The following CHMP4B variants were observed in gnomAD, a reference collection of about 807,000 sequenced individuals.
The protein encoded by CHMP4B is SNF7 homolog associated with Alix 1.
CHMP4B carries 1 observed loss-of-function variant against 25.1 expected under a neutral mutation model. That is an observed-to-expected ratio of 0.04 (90% CI 0.01 to 0.19). The LOEUF (loss-of-function observed/expected upper bound fraction) is 0.19, where lower values mean the gene tolerates loss of function less well. Ranked by LOEUF, CHMP4B falls within the 10% of genes least tolerant of loss-of-function variation. The pLI, the probability that CHMP4B is intolerant of heterozygous loss-of-function variation, is 1.00. For synonymous variants in CHMP4B, 101 were observed against 115.6 expected (o/e 0.87, Z 0.81); for missense variants, 151 against 289.7 (o/e 0.52, Z 3.48).
At chr20:33,852,298 T>A in intron 4 of CHMP4B, 95 bp downstream of exon 4, 1 of 1,456,978 alleles carries the variant, frequency 6.9e-7, no homozygotes, top group Admixed American at 1.7e-5. Context: ...GGCTTTGGTT[T>A]GTGGTCGGTT....
At chr20:33,829,289 C>G (rs987125893) in intron 1 of CHMP4B, among the ~76,000 whole-genome samples, 17 of 152,290 alleles carry the variant, frequency 1.1e-4, no homozygotes, top group African/African-American at 3.1e-4. Flanking sequence ...GAACTTCAGC[C>G]CCTTCTCAGC....
At chr20:33,824,619 C>G (rs1979036469) in intron 1 of CHMP4B, among the ~76,000 whole-genome samples, 2 of 152,204 alleles carry the variant, frequency 1.3e-5, no homozygotes, top group South Asian at 4.1e-4. Context: ...CTATCTTTTC[C>G]CGCAATAAGC....
chr20:33,815,372 C>G (rs1005219714), intron 1 of CHMP4B, among the ~76,000 whole-genome samples: 14 of 152,286 alleles, frequency 9.2e-5, no homozygotes, highest in Non-Finnish European at 1.8e-4. Flanking sequence ...TAATACATGT[C>G]TGAGACTTTT....
chr20:33,835,462 A>G (rs1979366928), intron 1 of CHMP4B, among the ~76,000 whole-genome samples: 1 of 152,198 alleles, frequency 6.6e-6, no homozygotes, highest in Admixed American at 6.5e-5. Context: ...TTACATGTAT[A>G]TAGGTTACCT....
At chr20:33,824,636 TCTCTGTGAC>T (rs1312707454) in intron 1 of CHMP4B, among the ~76,000 whole-genome samples, 3 of 152,232 alleles carry the variant, frequency 2.0e-5, no homozygotes, top group African/African-American at 4.8e-5. Context: ...AAGCTCATTT[TCTCTGTGAC>T]CTCTAGAGTA....
chr20:33,814,123 T>A (rs1978718077), intron 1 of CHMP4B, among the ~76,000 whole-genome samples: 1 of 152,234 alleles, frequency 6.6e-6, no homozygotes, highest in Admixed American at 6.5e-5. Flanking sequence ...TTGTCAGACT[T>A]GCTGAAGGCA....
chr20:33,819,136 T>C (rs561006728), intron 1 of CHMP4B, among the ~76,000 whole-genome samples: 5 of 152,304 alleles, frequency 3.3e-5, no homozygotes, highest in African/African-American at 1.2e-4. Flanking sequence ...GGTCTTGAAC[T>C]CCTGACCTCA....
At chr20:33,813,161 G>C (rs535050920) in intron 1 of CHMP4B, among the ~76,000 whole-genome samples, 3 of 151,518 alleles carry the variant, frequency 2.0e-5, no homozygotes, top group Admixed American at 6.6e-5. Flanking sequence ...AAAAAAAAAG[G>C]GGGAGGAGCC....
intron 1 of CHMP4B, among the ~76,000 whole-genome samples, chr20:33,813,338 T>C (rs117321724): frequency 1.6e-3 from 246 of 152,308 alleles, no homozygotes; most frequent in South Asian, 3.1e-3. Context: ...GTTTGAATTT[T>C]ATTCCAAGTG....
At chr20:33,850,903 T>G in intron 2 of CHMP4B, 49 bp from the exon 3 acceptor site, 1 of 1,410,666 alleles carries the variant, frequency 7.1e-7, no homozygotes, top group Non-Finnish European at 1.0e-6. Context: ...GCAGGCCCCC[T>G]TTACGCAGCC....
At chr20:33,845,362 G>A (rs1373003918) in intron 1 of CHMP4B, among the ~76,000 whole-genome samples, 2 of 151,390 alleles carry the variant, frequency 1.3e-5, no homozygotes, top group Non-Finnish European at 2.9e-5. Context: ...TTGCTCTGTT[G>A]CCCAGGCTGG....
At chr20:33,834,690 A>G (rs918864919) in intron 1 of CHMP4B, among the ~76,000 whole-genome samples, 5 of 152,050 alleles carry the variant, frequency 3.3e-5, no homozygotes, top group African/African-American at 1.2e-4. Context: ...ATACTTTCTG[A>G]TTTCCCATTT....
chr20:33,852,362 T>C lies in CHMP4B; in HGVS notation c.610+159T>C, dbSNP rs80097196. ...AAGATTGAGAACCAGACAGGATCCATTGTAGTGGCCACAGAGGCCATGTCA... is the reference window on the plus strand; with the variant it reads ...AAGATTGAGAACCAGACAGGATCCACTGTAGTGGCCACAGAGGCCATGTCA... On this transcript the variant is annotated intron_variant, in intron 4 of 4. Transcript: ENST00000217402. Among the ~76,000 whole-genome samples the C allele has an allele frequency of 0.021, 3,125 of 152,002 alleles. 112 individuals carry two copies. Among genetic ancestry groups the C allele is most frequent in the African/African-American group, 0.072 (2,984 of 41,366 alleles).
chr20:33,846,020 A>AT (rs59919746), intron 1 of CHMP4B, among the ~76,000 whole-genome samples: 6 of 152,100 alleles, frequency 3.9e-5, no homozygotes, highest in African/African-American at 1.4e-4. Flanking sequence ...GCTACTGAGG[A>AT]TTTTTCAGCA....
chr20:33,827,295 G>T (rs911325047), intron 1 of CHMP4B, among the ~76,000 whole-genome samples: 1 of 152,228 alleles, frequency 6.6e-6, no homozygotes, highest in African/African-American at 2.4e-5. Context: ...TGGATTAAAT[G>T]AGTGCTGAGA....
At chr20:33,811,854 G>A (rs1227600652) in intron 1 of CHMP4B, among the ~76,000 whole-genome samples, 196 bp downstream of exon 1, 1 of 152,032 alleles carries the variant, frequency 6.6e-6, no homozygotes, top group Non-Finnish European at 1.5e-5. Context: ...TCCATCGTCA[G>A]ACTTATTCTG....
intron 1 of CHMP4B, among the ~76,000 whole-genome samples, chr20:33,835,980 T>C (rs1031342074): frequency 5.2e-4 from 79 of 152,204 alleles, no homozygotes; most frequent in African/African-American, 1.9e-3. Context: ...TCCAGATGCC[T>C]CTCACTAGGC....
At chr20:33,843,520 G>T (rs1010421663) in intron 1 of CHMP4B, among the ~76,000 whole-genome samples, 6 of 152,024 alleles carry the variant, frequency 3.9e-5, no homozygotes, top group Non-Finnish European at 8.8e-5. Context: ...CTTTAACTCG[G>T]TACTTGTTTT....
chr20:33,853,370 G>C (rs1184262531), intron 4 of CHMP4B, 126 bp from the exon 5 acceptor site: 2 of 835,524 alleles, frequency 2.4e-6, no homozygotes, highest in Non-Finnish European at 4.1e-6. Context: ...CTACAGCCTG[G>C]AGAGGAGTCT....
Sources: allele counts gnomAD v4.1 joint callset (sites outside exome capture counted in the v4.1 genomes callset), GRCh38; gene constraint gnomAD v4.1.1; transcripts MANE v1.5; gene names NCBI Gene and HGNC (gene_info 2026-07-23, HGNC 2026-07-21).